The following PTPRM variants were observed in gnomAD, a reference collection of about 807,000 sequenced individuals.
PTPRM encodes receptor-type tyrosine-protein phosphatase mu.
PTPRM carries 47 observed loss-of-function variants against 186.7 expected under a neutral mutation model. The ratio of observed to expected loss-of-function variants is 0.25; its 90% confidence interval spans 0.20 to 0.32. PTPRM has a LOEUF of 0.32. Ranked by LOEUF, PTPRM falls within the 10% of genes least tolerant of loss-of-function variation. The pLI is 1.00. For synonymous variants in PTPRM, 668 were observed against 674.9 expected, an observed-to-expected ratio of 0.99 and a Z score of 0.16; for missense variants, 1,494 against 1,865.0, an observed-to-expected ratio of 0.80 and a Z score of 3.66.
At chr18:8,070,057 C>T (rs532431449) in intron 8 of PTPRM, 63 bp downstream of exon 8, 21 of 1,442,522 alleles carry the variant, frequency 1.5e-5, no homozygotes, top group South Asian at 6.7e-5. Flanking sequence ...ACTTTTGTTT[C>T]GAGATCTTTG....
intron 7 of PTPRM, among the ~76,000 whole-genome samples, chr18:8,064,980 T>C (rs1181613443): frequency 6.6e-6 from 1 of 152,228 alleles, no homozygotes; most frequent in Non-Finnish European, 1.5e-5. Flanking sequence ...CATGCCATTC[T>C]GGTTGTTATT....
rs567254949 is a variant in PTPRM at position 7,766,655 on chromosome 18, G to A, written c.74-7494G>A. Among the ~76,000 whole-genome samples, 89 of 152,276 alleles carry A rather than the reference G, an allele frequency of 5.8e-4. No homozygotes were observed. In the South Asian group the frequency reaches 0.018, roughly 31 times the overall value. On this transcript the variant is annotated intron_variant, in intron 1 of 32. Coordinates refer to ENST00000580170, the MANE Select transcript of PTPRM (RefSeq NM_001105244.2). ...TACTGGAGGAGCCAGGCAGGGGGGC[G>A]ACCCTGCGTTGTGCCCTGAGGGACC...
chr18:7,879,408 CT>C (rs1313119700), intron 2 of PTPRM, among the ~76,000 whole-genome samples: 1 of 152,134 alleles, frequency 6.6e-6, no homozygotes, highest in Non-Finnish European at 1.5e-5. Context: ...GTGAAAACAA[CT>C]TAAAATATGA....
intron 23 of PTPRM, among the ~76,000 whole-genome samples, chr18:8,349,985 G>T (rs1311874125): frequency 6.6e-6 from 1 of 152,184 alleles, no homozygotes; most frequent in African/African-American, 2.4e-5. Flanking sequence ...TATCAACTAA[G>T]ACAGAAAGGT....
intron 14 of PTPRM, among the ~76,000 whole-genome samples, chr18:8,213,000 G>A (rs1352768877): frequency 6.6e-6 from 1 of 152,112 alleles, no homozygotes; most frequent in Non-Finnish European, 1.5e-5. Flanking sequence ...CCTGAAAATA[G>A]AGAACTCAAG....
chr18:7,834,375 G>A (rs2045913478), intron 2 of PTPRM, among the ~76,000 whole-genome samples: 2 of 147,368 alleles, frequency 1.4e-5, no homozygotes, highest in African/African-American at 2.5e-5. Flanking sequence ...AGAAATATTG[G>A]CCTGTATTTT....
At chr18:7,948,003 C>T (rs76451594) in intron 5 of PTPRM, among the ~76,000 whole-genome samples, 1,845 of 152,128 alleles carry the variant, frequency 0.012, 44 homozygotes, top group African/African-American at 0.042. Flanking sequence ...GAGTGAATAA[C>T]GGACATAGTG....
At chr18:7,621,393 A>G (rs996907338) in intron 1 of PTPRM, among the ~76,000 whole-genome samples, 4 of 151,514 alleles carry the variant, frequency 2.6e-5, no homozygotes, top group Non-Finnish European at 5.9e-5. Flanking sequence ...GCCCCCACAC[A>G]TGCATAGCCC....
intron 7 of PTPRM, among the ~76,000 whole-genome samples, chr18:8,041,034 T>C (rs2086659315): frequency 6.6e-6 from 1 of 152,226 alleles, no homozygotes; most frequent in African/African-American, 2.4e-5. Context: ...TGGTAATGAC[T>C]TGGAATTAAT....
intron 2 of PTPRM, among the ~76,000 whole-genome samples, chr18:7,806,760 T>C (rs993981063): frequency 3.9e-4 from 60 of 152,286 alleles, no homozygotes; most frequent in African/African-American, 1.4e-3. Flanking sequence ...GCCTTTGTAA[T>C]GTGGAGGTGA....
chr18:7,810,844 T>C (rs924706905), intron 2 of PTPRM, among the ~76,000 whole-genome samples: 1 of 152,246 alleles, frequency 6.6e-6, no homozygotes, highest in Non-Finnish European at 1.5e-5. Context: ...ATACAGATTT[T>C]ACCAAAACCC....
At chr18:7,704,643 T>C (rs1192973933) in intron 1 of PTPRM, among the ~76,000 whole-genome samples, 1 of 152,136 alleles carries the variant, frequency 6.6e-6, no homozygotes, top group Admixed American at 6.6e-5. Flanking sequence ...AGAAAATAAG[T>C]GTTAACCTAG....
intron 14 of PTPRM, among the ~76,000 whole-genome samples, chr18:8,195,964 A>T (rs190321358): frequency 2.6e-5 from 4 of 152,344 alleles, no homozygotes; most frequent in Non-Finnish European, 5.9e-5. Flanking sequence ...CTGACTCCTT[A>T]TCTAAACTTA....
At chr18:7,836,584 T>C (rs2046061821) in intron 2 of PTPRM, among the ~76,000 whole-genome samples, 1 of 152,206 alleles carries the variant, frequency 6.6e-6, no homozygotes, top group African/African-American at 2.4e-5. Context: ...GTACTTACTA[T>C]TACAAGTGAG....
At chr18:7,991,694 G>A (rs559165706) in intron 7 of PTPRM, among the ~76,000 whole-genome samples, 2 of 152,220 alleles carry the variant, frequency 1.3e-5, no homozygotes, top group South Asian at 4.2e-4. Context: ...TAAAATCTTA[G>A]CTGCCTGACC....
chr18:8,370,889 G>T lies in PTPRM; in HGVS notation c.3055-1G>T. ...CATAATTTCTTTTATGTTTTCTAAA[G>T]GTCAAATGCTGCAAATACTGGCCAG... On this transcript the variant is annotated splice_acceptor_variant, in intron 23 of 32. Transcript: ENST00000580170. LOFTEE classifies it high-confidence loss of function. 6.4e-7 allele frequency: 1 copy of T among 1,567,408 alleles called. No homozygotes were observed. Among genetic ancestry groups the T allele is most frequent in the Non-Finnish European group, 8.7e-7 (1 of 1,150,432 alleles).
intron 11 of PTPRM, among the ~76,000 whole-genome samples, chr18:8,111,437 G>A (rs989663643): frequency 3.0e-4 from 46 of 152,084 alleles, no homozygotes; most frequent in African/African-American, 1.1e-3. Context: ...GTGAAACCCC[G>A]TCTCTACTAA....
At chr18:8,001,084 C>A (rs923984542) in intron 7 of PTPRM, among the ~76,000 whole-genome samples, 2 of 152,162 alleles carry the variant, frequency 1.3e-5, no homozygotes, top group African/African-American at 4.8e-5. Flanking sequence ...GAGTGAGCAA[C>A]TGCAGCTTTG....
intron 19 of PTPRM, 45 bp downstream of exon 19, chr18:8,253,459 T>C: frequency 7.3e-7 from 1 of 1,376,338 alleles, no homozygotes; most frequent in Non-Finnish European, 9.5e-7. Context: ...CCTTCTTGGA[T>C]TCCATGCCAG....
Sources: allele counts gnomAD v4.1 joint callset (sites outside exome capture counted in the v4.1 genomes callset), GRCh38; gene constraint gnomAD v4.1.1; transcripts MANE v1.5; gene names NCBI Gene and HGNC (gene_info 2026-07-23, HGNC 2026-07-21).